Variants in MLIP observed in about 807,000 individuals in gnomAD.
The protein encoded by MLIP is muscular LMNA-interacting protein.
MLIP carries 79 observed loss-of-function variants against 84.8 expected under a neutral mutation model. The ratio of observed to expected loss-of-function variants is 0.93; its 90% CI spans 0.78 to 1.12. The LOEUF (loss-of-function observed/expected upper bound fraction) is 1.12. Ranked by LOEUF, MLIP falls within the 50% of genes most tolerant of loss-of-function variation. The probability of loss-of-function intolerance (pLI) is 0.00; values close to 1 mark genes in which losing one functional copy is unlikely to be tolerated. For synonymous variants in MLIP, 504 were observed against 463.0 expected (o/e 1.09, Z -1.14); for missense variants, 1,257 against 1,160.6 (o/e 1.08, Z -1.21).
At position 54,233,776 on chromosome 6, in the gene MLIP, T is replaced by A. The variant is rs937027197; in HGVS notation, c.2922+2859T>A. ...AGATTCTTGAGGAATAGCCTTACTG[T>A]CTTCCACAATTGTTGAACTAATTTA... is the stretch of plus-strand genomic sequence containing the variant. On this transcript the variant is annotated intron_variant, in intron 12 of 13. Transcript: ENST00000502396. Among the ~76,000 whole-genome samples the A allele has an allele frequency of 1.4e-4, 21 of 152,320 alleles. 1 individual carries two copies. The highest frequency in any genetic ancestry group is 8.5e-4 in the Admixed American group (13 of 15,298).
chr6:54,072,317 A>G (rs1469675833), intron 1 of MLIP, among the ~76,000 whole-genome samples: 1 of 152,172 alleles, frequency 6.6e-6, no homozygotes, highest in Non-Finnish European at 1.5e-5. Context: ...GAACTTCTCT[A>G]TCCCCAGAGG....
chr6:54,217,679 G>T (rs530379676), intron 11 of MLIP: 1 of 984,016 alleles, frequency 1.0e-6, no homozygotes, highest in African/African-American at 1.7e-5. Flanking sequence ...TTAGTTCTAT[G>T]TATACTGAAA....
chr6:54,142,339 A>G (rs975451502), intron 4 of MLIP, among the ~76,000 whole-genome samples: 8 of 152,218 alleles, frequency 5.3e-5, no homozygotes, highest in African/African-American at 1.9e-4. Context: ...AGAAGGTCAT[A>G]TGTGTCATAG....
Position 54,182,568 on chromosome 6 carries a change from A to G in MLIP, c.2545-7302A>G, listed in dbSNP as rs149578856. Among the ~76,000 whole-genome samples, 702 of 152,298 alleles carry G rather than the reference A, an allele frequency of 4.6e-3. 6 individuals carry two copies. The highest frequency in any genetic ancestry group is 0.016 in the African/African-American group (679 of 41,568). ...TGGTGTTCCTGCGGGAGGTACGAAC[A>G]CTGTAAGTTTTTATTCTACCATCTT... On this transcript the variant is annotated intron_variant, in intron 9 of 13. Coordinates refer to ENST00000502396, the MANE Select transcript of MLIP (RefSeq NM_001281747.2).
At chr6:54,155,143 C>T (rs575750313) in intron 5 of MLIP, among the ~76,000 whole-genome samples, 62 of 152,148 alleles carry the variant, frequency 4.1e-4, no homozygotes, top group South Asian at 1.2e-3. Context: ...GGCAAATATT[C>T]CCAGATCTTT....
intron 12 of MLIP, among the ~76,000 whole-genome samples, chr6:54,233,691 C>A (rs1279077086): frequency 1.3e-5 from 2 of 152,136 alleles, no homozygotes; most frequent in African/African-American, 4.8e-5. Context: ...TGGGTATATA[C>A]CCAGTAATGG....
chr6:54,230,694 C>A lies in MLIP; in HGVS notation c.2719-20C>A. ...TTTTTTATGCTAACATCCTCTTATG[C>A]CTTTCTTCTTCCCCACCAGGATGTA... On this transcript the variant is annotated intron_variant, in intron 11 of 13. Coordinates refer to ENST00000502396, the MANE Select transcript of MLIP (RefSeq NM_001281747.2). 1 of 1,610,454 alleles carries A rather than the reference C, an allele frequency of 6.2e-7. No individual in the cohort carries two copies. Among genetic ancestry groups the A allele is most frequent in the Non-Finnish European group, 8.5e-7 (1 of 1,177,184 alleles).
intron 12 of MLIP, among the ~76,000 whole-genome samples, chr6:54,252,754 A>G (rs527381814): frequency 1.3e-5 from 2 of 151,788 alleles, no homozygotes; most frequent in Non-Finnish European, 2.9e-5. Flanking sequence ...TGAACAGTTC[A>G]AGAGAAACCA....
At chr6:54,199,912 A>G (rs928772789) in intron 10 of MLIP, among the ~76,000 whole-genome samples, 4 of 152,318 alleles carry the variant, frequency 2.6e-5, no homozygotes, top group African/African-American at 9.6e-5. Flanking sequence ...CAGAGACTTC[A>G]TATAGCCCAA....
At chr6:54,248,649 C>A (rs1027944426) in intron 12 of MLIP, among the ~76,000 whole-genome samples, 3 of 152,116 alleles carry the variant, frequency 2.0e-5, no homozygotes, top group African/African-American at 7.2e-5. Flanking sequence ...AGAAGAAATT[C>A]TAACATGCCT....
At chr6:54,168,488 AT>A (rs1451249146) in intron 8 of MLIP, among the ~76,000 whole-genome samples, 1 of 151,864 alleles carries the variant, frequency 6.6e-6, no homozygotes, top group African/African-American at 2.4e-5. Flanking sequence ...TAATTCACGT[AT>A]TTATGATTTC....
rs1479722282 is a variant in MLIP, at chr6:54,202,186, C to A, written c.2671C>A (p.Pro891Thr). Residue 891 changes from proline to threonine, a missense_variant, in exon 11 of 14, where the codon CCT becomes ACT. Physicochemically the swap from Pro to Thr is conservative, Grantham distance 38 (BLOSUM62 -1). Transcript: ENST00000502396. ...AGAGGAGGAAGTCTATGAACCCAAC[C>A]CTTTCAGTAAATACTTGGAAGATAA... ...KKEEEVYEPNPFSKYLEDNSD... is the reference protein window; with the variant it reads ...KKEEEVYEPNTFSKYLEDNSD... 6.3e-7 allele frequency: 1 copy of A among 1,594,454 alleles called. No individual in the cohort carries two copies. Among genetic ancestry groups the A allele is most frequent in the East Asian group, 2.3e-5 (1 of 44,146 alleles).
At chr6:54,100,185 A>G (rs1348230849) in intron 1 of MLIP, among the ~76,000 whole-genome samples, 1 of 152,188 alleles carries the variant, frequency 6.6e-6, no homozygotes, top group Non-Finnish European at 1.5e-5. Flanking sequence ...TTTAATTCTT[A>G]CAAAAGCTGT....
intron 12 of MLIP, among the ~76,000 whole-genome samples, chr6:54,246,280 T>G (rs1782075225): frequency 6.6e-6 from 1 of 152,154 alleles, no homozygotes; most frequent in Admixed American, 6.6e-5. Context: ...GCATTAGAAG[T>G]CCAACACTGG....
Position 54,090,533 on chromosome 6 carries a change from A to G in MLIP, c.64-30914A>G, listed in dbSNP as rs539567671. Among the ~76,000 whole-genome samples, 6 of 152,274 alleles carry G rather than the reference A, an allele frequency of 3.9e-5. No homozygotes were observed. In the South Asian group the frequency reaches 1.2e-3, roughly 32 times the overall value. ...TCAGAAATTAATCCTACTGACTTCA[A>G]GACAGTCATTTTGACTCGCTCTATT... On this transcript the variant is annotated intron_variant, in intron 1 of 12. Coordinates refer to the MLIP transcript ENST00000274897.
chr6:54,202,042 T>C lies in MLIP; in HGVS notation c.2590-63T>C, dbSNP rs1002349589. 8 of 1,184,962 alleles carry C rather than the reference T, an allele frequency of 6.8e-6. No homozygotes were observed. The South Asian group carries it at 1.3e-4, about 20-fold the overall frequency. The allele number at this position is 1,184,962 out of a possible 1,614,324, so 73.4% of individuals were successfully genotyped here. ...GCATTGAATGACTTAACAATAAACA[T>C]ATTTGTTCATTTTAATAGTGTTTTT... On this transcript the variant is annotated intron_variant, in intron 10 of 13. Coordinates refer to ENST00000502396, the MANE Select transcript of MLIP (RefSeq NM_001281747.2).
In MLIP at chr6:54,137,461, A is replaced by T. The variant is rs993036623; in HGVS notation, c.1392A>T (p.Lys464Asn). The change falls in exon 4 of 14, where the codon AAA (lysine) becomes AAT (asparagine). Residue 464 changes from lysine to asparagine, a missense_variant. Transcript: ENST00000502396. ...KEKQTPPTPK[K>N]SLSSCSLRAG... ...AGCAGACCCCACCCACGCCTAAAAA[A>T]TCTCTCTCAAGTTGTTCCCTGAGAG... is the stretch of plus-strand genomic sequence containing the variant. 1.3e-6 allele frequency: 2 copies of T among 1,535,854 alleles called. No homozygotes were observed. Among genetic ancestry groups the T allele is most frequent in the Admixed American group, 2.0e-5 (1 of 50,968 alleles).
At chr6:54,121,081 C>T (rs1770410640) in intron 1 of MLIP, among the ~76,000 whole-genome samples, 2 of 151,946 alleles carry the variant, frequency 1.3e-5, no homozygotes, top group East Asian at 3.9e-4. Context: ...ACCGGCTAAC[C>T]CAGGGTTAGA....
At chr6:54,019,076 A>G in exon 1 of MLIP, 1 of 1,611,872 alleles carries the variant, frequency 6.2e-7, no homozygotes, top group Non-Finnish European at 8.5e-7. Context: ...ACAAGAATTT[A>G]GAGGAGAAAC....
Sources: allele counts gnomAD v4.1 joint callset (sites outside exome capture counted in the v4.1 genomes callset), GRCh38; gene constraint gnomAD v4.1.1; transcripts MANE v1.5; gene names NCBI Gene and HGNC (gene_info 2026-07-23, HGNC 2026-07-21).